The following ST3GAL3 variants were observed in gnomAD, a reference collection of about 807,000 sequenced individuals.
ST3GAL3 encodes CMP-N-acetylneuraminate-beta-1,4-galactoside alpha-2,3-sialyltransferase.
ST3GAL3 carries 21 observed loss-of-function variants against 50.1 expected under a neutral mutation model. The ratio of observed to expected loss-of-function variants is 0.42; its 90% CI spans 0.30 to 0.60. The LOEUF (loss-of-function observed/expected upper bound fraction) is 0.60. ST3GAL3 is among the 20% of genes least tolerant of loss of function. The pLI is 0.19. For synonymous variants in ST3GAL3, 183 were observed against 190.0 expected (o/e 0.96, Z 0.30); for missense variants, 353 against 489.4 (o/e 0.72, Z 2.63).
At chr1:43,707,963 C>T (rs950468280) in intron 1 of ST3GAL3, 2 of 152,330 alleles carry the variant, frequency 1.3e-5, no homozygotes, top group Non-Finnish European at 2.9e-5. Context: ...GAGATCATCT[C>T]CGTGTGAAAC....
intron 6 of ST3GAL3, among the ~76,000 whole-genome samples, chr1:43,897,930 C>A (rs529367254): frequency 6.6e-6 from 1 of 152,158 alleles, no homozygotes; most frequent in Admixed American, 6.5e-5. Flanking sequence ...GAATGCATGT[C>A]CTGGGGCCTG....
At chr1:43,804,610 G>A (rs927937978) in intron 3 of ST3GAL3, among the ~76,000 whole-genome samples, 5 of 152,244 alleles carry the variant, frequency 3.3e-5, no homozygotes, top group East Asian at 1.9e-4. Flanking sequence ...CAAACTGGGA[G>A]TTCTTAAAAG....
At chr1:43,724,293 G>T (rs1245746497) in intron 1 of ST3GAL3, among the ~76,000 whole-genome samples, 1 of 151,648 alleles carries the variant, frequency 6.6e-6, no homozygotes, top group Non-Finnish European at 1.5e-5. Context: ...TAACTGCAAC[G>T]TCTGCCTCCC....
intron 5 of ST3GAL3, among the ~76,000 whole-genome samples, chr1:43,848,753 C>CAA (rs2066736860): frequency 1.3e-5 from 2 of 152,282 alleles, no homozygotes; most frequent in Admixed American, 1.3e-4. Flanking sequence ...TTTTCTGCCT[C>CAA]ATCTCCTTTC....
chr1:43,711,965 T>C (rs1038405550), intron 1 of ST3GAL3, among the ~76,000 whole-genome samples: 1 of 152,150 alleles, frequency 6.6e-6, no homozygotes, highest in African/African-American at 2.4e-5. Flanking sequence ...GCAAACTTGG[T>C]ATTTGGGGAG....
intron 9 of ST3GAL3, among the ~76,000 whole-genome samples, chr1:43,917,669 T>A (rs866935744): frequency 3.3e-5 from 3 of 91,182 alleles, no homozygotes; most frequent in African/African-American, 8.8e-5. Context: ...ATAATATATA[T>A]TATATATATA....
At position 43,727,862 on chromosome 1, in the gene ST3GAL3, T is replaced by C. The variant is rs553196907; in HGVS notation, c.-30-8371T>C. Among the ~76,000 whole-genome samples the C allele has an allele frequency of 4.2e-4, 64 of 152,266 alleles. 3 individuals are homozygous for C. The highest frequency in any genetic ancestry group is 5.9e-5 in the Non-Finnish European group (4 of 68,014). ...TTTCTATCTGTGTCCTAAACCTTTT[T>C]TAAAAAAATAATTTCAACTTTTATT... On this transcript the variant is annotated intron_variant, in intron 1 of 11. Coordinates refer to ENST00000347631, the MANE Select transcript of ST3GAL3 (RefSeq NM_006279.5).
intron 2 of ST3GAL3, among the ~76,000 whole-genome samples, chr1:43,751,690 A>G (rs1037011113): frequency 6.6e-6 from 1 of 152,240 alleles, no homozygotes; most frequent in Non-Finnish European, 1.5e-5. Flanking sequence ...AGTAAACATT[A>G]ATTGGCAGTT....
chr1:43,762,505 A>G (rs1022930530), intron 2 of ST3GAL3, among the ~76,000 whole-genome samples: 2 of 152,068 alleles, frequency 1.3e-5, no homozygotes, highest in African/African-American at 4.8e-5. Context: ...CTGGCAAAGA[A>G]TTCAACTATA....
intron 3 of ST3GAL3, among the ~76,000 whole-genome samples, chr1:43,812,475 G>C (rs2154174517): frequency 6.6e-6 from 1 of 152,224 alleles, no homozygotes; most frequent in South Asian, 2.1e-4. Context: ...GAGGGCTGTG[G>C]GGATACAGTG....
At chr1:43,892,504 G>A (rs892352623) in intron 5 of ST3GAL3, among the ~76,000 whole-genome samples, 18 of 152,328 alleles carry the variant, frequency 1.2e-4, no homozygotes, top group Admixed American at 8.5e-4. Context: ...TTATCTCTGT[G>A]TTGTACAGTT....
intron 2 of ST3GAL3, among the ~76,000 whole-genome samples, chr1:43,777,071 T>A (rs984792041): frequency 3.3e-5 from 5 of 152,292 alleles, no homozygotes; most frequent in Admixed American, 6.5e-5. Context: ...ACATGTATAT[T>A]ATATAGGTCC....
chr1:43,795,285 A>G (rs769059690), intron 3 of ST3GAL3, among the ~76,000 whole-genome samples: 15 of 152,334 alleles, frequency 9.8e-5, no homozygotes, highest in Non-Finnish European at 1.5e-4. Flanking sequence ...CTGGCAAAGA[A>G]TGAGAATTCA....
chr1:43,837,326 G>A (rs551493433), intron 4 of ST3GAL3, among the ~76,000 whole-genome samples: 9 of 138,428 alleles, frequency 6.5e-5, no homozygotes, highest in South Asian at 2.4e-4. Flanking sequence ...GATGAAGAAG[G>A]ACAAGGAATA....
chr1:43,830,330 C>G (rs1372557056), intron 4 of ST3GAL3, among the ~76,000 whole-genome samples: 1 of 152,090 alleles, frequency 6.6e-6, no homozygotes, highest in African/African-American at 2.4e-5. Context: ...AGCCACCACA[C>G]CTGGCCCCCC....
At chr1:43,838,438 T>C in intron 5 of ST3GAL3, 127 bp downstream of exon 5, 3 of 913,734 alleles carry the variant, frequency 3.3e-6, no homozygotes, top group Non-Finnish European at 3.6e-6. Flanking sequence ...TGGAAAGGAC[T>C]CTGCCTTTAA....
intron 1 of ST3GAL3, among the ~76,000 whole-genome samples, chr1:43,712,401 C>T (rs1387432512): frequency 6.6e-6 from 1 of 152,122 alleles, no homozygotes. Flanking sequence ...ACATTTCTTT[C>T]TCTCCTACTA....
chr1:43,908,095 CT>C (rs1277848616), intron 9 of ST3GAL3, among the ~76,000 whole-genome samples: 3 of 152,214 alleles, frequency 2.0e-5, no homozygotes, highest in Admixed American at 6.5e-5. Context: ...GGGATAGCCC[CT>C]GATTCTTAAA....
At chr1:43,905,029 T>C (rs879176787) in intron 9 of ST3GAL3, among the ~76,000 whole-genome samples, 238 of 34,840 alleles carry the variant, frequency 6.8e-3, no homozygotes, top group Middle Eastern at 0.019. Flanking sequence ...CTCTTCCTCC[T>C]CCTCCCCCTG....
Sources: gnomAD v4.1 joint callset for allele counts (sites outside exome capture counted in the v4.1 genomes callset) on GRCh38, gnomAD v4.1.1 for gene constraint, MANE v1.5 for transcripts, NCBI Gene and HGNC (gene_info 2026-07-23, HGNC 2026-07-21) for gene names.